Variants in GLIS1 observed in about 807,000 individuals in gnomAD.
GLIS1 encodes the protein zinc finger protein GLIS1.
In GLIS1, 24 loss-of-function variants were observed where a neutral mutation model predicts 63.8. The observed-to-expected ratio is 0.38, with a 90% CI of 0.27 to 0.53. The LOEUF (loss-of-function observed/expected upper bound fraction) is 0.53. Among genes scored for constraint, GLIS1 ranks in the 20% least tolerant of loss-of-function variants. The probability of loss-of-function intolerance (pLI) is 0.85; values close to 1 mark genes in which losing one functional copy is unlikely to be tolerated. For synonymous variants in GLIS1, 450 were observed against 482.5 expected (o/e 0.93, Z 0.88); for missense variants, 1,036 against 1,074.1 (o/e 0.96, Z 0.50).
chr1:53,608,890 ACT>A (rs1029000332), intron 2 of GLIS1, among the ~76,000 whole-genome samples: 1 of 152,072 alleles, frequency 6.6e-6, no homozygotes, highest in Non-Finnish European at 1.5e-5. Flanking sequence ...CTGTTTGATG[ACT>A]CTGCCCCCCT....
chr1:53,540,370 G>A (rs7540317), intron 4 of GLIS1, among the ~76,000 whole-genome samples: 4 of 151,942 alleles, frequency 2.6e-5, no homozygotes, highest in Admixed American at 1.3e-4. Flanking sequence ...CAGGCCTCCA[G>A]CCTCAACCCT....
chr1:53,729,996 G>C (rs1646843726), intron 2 of GLIS1, among the ~76,000 whole-genome samples: 1 of 152,194 alleles, frequency 6.6e-6, no homozygotes, highest in Non-Finnish European at 1.5e-5. Context: ...GACAGGTTTG[G>C]GGAGTGGAAG....
intron 2 of GLIS1, among the ~76,000 whole-genome samples, chr1:53,634,153 A>G (rs1370614779): frequency 6.6e-6 from 1 of 152,218 alleles, no homozygotes; most frequent in Non-Finnish European, 1.5e-5. Flanking sequence ...GGAGGACATC[A>G]GGAGCCGGAT....
chr1:53,559,459 G>A (rs1353322704), intron 4 of GLIS1, among the ~76,000 whole-genome samples: 2 of 152,110 alleles, frequency 1.3e-5, no homozygotes, highest in Non-Finnish European at 2.9e-5. Flanking sequence ...CTCAGCCCTC[G>A]TGCCCATCCT....
At chr1:53,512,329 C>G (rs1644305200) in intron 8 of GLIS1, among the ~76,000 whole-genome samples, 1 of 152,306 alleles carries the variant, frequency 6.6e-6, no homozygotes, top group South Asian at 2.1e-4. Context: ...ACCTCACTAG[C>G]CTGGCAGACT....
intron 2 of GLIS1, among the ~76,000 whole-genome samples, chr1:53,703,920 C>T (rs1646550085): frequency 6.6e-6 from 1 of 152,198 alleles, no homozygotes; most frequent in Non-Finnish European, 1.5e-5. Context: ...TGACCATGTC[C>T]AGCAAGACAC....
Position 53,594,932 on chromosome 1 carries a change from T to C in GLIS1, c.496A>G (p.Lys166Glu). ...NGSLPTTQHI[K>E]QESLPDYQAM... ...TGGTAGTCGGGCAAGGACTCCTGTT[T>C]GATGTGTTGTGTGGTTGGGAGGCTG... Residue 166 changes from lysine (K) to glutamate (E), a missense_variant, in exon 4 of 11, where the codon AAA (lysine) becomes GAA (glutamate). Lys to Glu is a moderately conservative substitution (Grantham distance 56, BLOSUM62 1). This residue lies in a region of GLIS1 where 592 missense variants were observed against 593.9 expected (regional missense o/e 1.00). Transcript: ENST00000628545. 6.7e-7 allele frequency: 1 copy of C among 1,495,502 alleles called. No individual in the cohort carries two copies. Among genetic ancestry groups the C allele is most frequent in the South Asian group, 1.4e-5 (1 of 74,050 alleles). 92.6% of individuals were successfully genotyped at this position (1,495,502 alleles called of 1,614,324 possible). A position where few individuals can be genotyped will look rare whatever the true frequency, so the allele number is the denominator to read the frequency against.
rs1645233547 is a variant in GLIS1 at position 53,594,655 on chromosome 1, G to T, written c.773C>A (p.Ser258Tyr). The change falls in exon 4 of 11, where the codon TCC becomes TAC. Residue 258 changes from serine to tyrosine, a missense_variant. Physicochemically the swap from Ser to Tyr is moderately radical, Grantham distance 144. Coordinates refer to ENST00000628545, the MANE Select transcript of GLIS1 (RefSeq NM_001367484.1). ...TSPASSSPCA[S>Y]SDVTSIIRSS... is the part of the protein sequence containing the mutation. ...GCGGATGATGGAGGTGACGTCGGAG[G>T]AGGCACAGGGTGAGGAGGAGGCTGG... is the stretch of plus-strand genomic sequence containing the variant. 1 of 1,556,136 alleles carries T rather than the reference G, an allele frequency of 6.4e-7. No individual in the cohort carries two copies. Among genetic ancestry groups the T allele is most frequent in the Admixed American group, 1.8e-5 (1 of 55,082 alleles).
chr1:53,583,716 C>T (rs932324835), intron 4 of GLIS1, among the ~76,000 whole-genome samples: 1 of 152,200 alleles, frequency 6.6e-6, no homozygotes, highest in African/African-American at 2.4e-5. Context: ...TCATTACCCA[C>T]GTCACAAGAA....
chr1:53,558,131 G>A (rs1030873759), intron 4 of GLIS1, among the ~76,000 whole-genome samples: 5 of 152,164 alleles, frequency 3.3e-5, no homozygotes, highest in African/African-American at 1.2e-4. Context: ...TCAAACACAC[G>A]CAACGTGCAA....
At chr1:53,540,206 C>T (rs1204155774) in intron 4 of GLIS1, among the ~76,000 whole-genome samples, 1 of 152,204 alleles carries the variant, frequency 6.6e-6, no homozygotes, top group Non-Finnish European at 1.5e-5. Flanking sequence ...GCACAGCCTG[C>T]CCCGCCCACA....
chr1:53,594,618 C>T lies in GLIS1; in HGVS notation c.810G>A (p.Thr270=), dbSNP rs533740198. Residue 270 remains threonine, a synonymous_variant, in exon 4 of 11, where the codon ACG becomes ACA. Coordinates refer to ENST00000628545, the MANE Select transcript of GLIS1 (RefSeq NM_001367484.1). ...DVTSIIRSSQ[T]SLVTCVNGLR... is the part of the protein sequence containing the mutation. ...GTCCATTTACACAGGTGACCAGAGA[C>T]GTCTGGGAGGAGCGGATGATGGAGG... The T allele has an allele frequency of 2.3e-5, 36 of 1,571,016 alleles. No homozygotes were observed. Among genetic ancestry groups the T allele is most frequent in the Admixed American group, 7.1e-5 (4 of 56,292 alleles).
intron 4 of GLIS1, among the ~76,000 whole-genome samples, chr1:53,582,385 C>A (rs1645094074): frequency 6.6e-6 from 1 of 152,188 alleles, no homozygotes; most frequent in Non-Finnish European, 1.5e-5. Context: ...TGGAGCCTGC[C>A]CAGCAGCTCT....
Position 53,552,884 on chromosome 1 carries a change from G to T in GLIS1, c.1321-22932C>A, listed in dbSNP as rs141087254. 3.8e-3 allele frequency among the ~76,000 whole-genome samples: 578 copies of T among 152,332 alleles called. 4 individuals carry two copies. Among genetic ancestry groups the T allele is most frequent in the Admixed American group, 7.7e-3 (118 of 15,304 alleles). On this transcript the variant is annotated intron_variant, in intron 4 of 10. Transcript: ENST00000628545. ...AGAAAAGGAGACTCCCATGAAATCA[G>T]CCCATTTAAACATTTAGCAACCCTG...
Position 53,531,036 on chromosome 1 carries a change from T to G in GLIS1, c.1321-1084A>C, listed in dbSNP as rs117046899. On this transcript the variant is annotated intron_variant, in intron 4 of 10. Transcript: ENST00000628545. Reference sequence around the variant, plus strand: ...CCATCTCAGAGATGGAGGCTCCATGTGGTCAAGTGACCTGCCCAAGGTCAC... The same window carrying G: ...CCATCTCAGAGATGGAGGCTCCATGGGGTCAAGTGACCTGCCCAAGGTCAC... Among the ~76,000 whole-genome samples the G allele has an allele frequency of 1.7e-4, 26 of 152,316 alleles. No homozygotes were observed. In the East Asian group the frequency reaches 5.0e-3, roughly 29 times the overall value.
intron 4 of GLIS1, among the ~76,000 whole-genome samples, chr1:53,556,237 G>A (rs537029934): frequency 7.5e-6 from 1 of 132,872 alleles, no homozygotes; most frequent in Non-Finnish European, 1.6e-5. Flanking sequence ...CAGGTGTACT[G>A]TAGGTGTGTG....
At chr1:53,579,896 T>A (rs985173499) in intron 4 of GLIS1, among the ~76,000 whole-genome samples, 2 of 152,260 alleles carry the variant, frequency 1.3e-5, no homozygotes, top group Admixed American at 6.5e-5. Context: ...AGGGCAATGG[T>A]CCCAATGACA....
At chr1:53,711,109 C>G (rs2100523901) in intron 2 of GLIS1, among the ~76,000 whole-genome samples, 1 of 152,304 alleles carries the variant, frequency 6.6e-6, no homozygotes, top group East Asian at 1.9e-4. Context: ...CCACCAGTAC[C>G]TCTATAGTCA....
intron 8 of GLIS1, among the ~76,000 whole-genome samples, chr1:53,513,227 T>C (rs1482500653): frequency 6.6e-6 from 1 of 152,082 alleles, no homozygotes; most frequent in Non-Finnish European, 1.5e-5. Context: ...ACCACTGCCT[T>C]CCGGGCTCCC....
Sources: gnomAD v4.1 joint callset for allele counts (sites outside exome capture counted in the v4.1 genomes callset) on GRCh38, gnomAD v4.1.1 for gene constraint, gnomAD v4.1.1 regional missense constraint, MANE v1.5 for transcripts, NCBI Gene and HGNC (gene_info 2026-07-23, HGNC 2026-07-21) for gene names.